SLC6A17: variants seen among roughly 807,000 people sequenced by gnomAD.
SLC6A17 encodes sodium-dependent neutral amino acid transporter SLC6A17.
In SLC6A17, 21 loss-of-function variants were observed where a neutral mutation model predicts 64.5. The observed-to-expected ratio is 0.33, with a 90% confidence interval of 0.23 to 0.47. SLC6A17 has a LOEUF of 0.47. Among genes scored for constraint, SLC6A17 ranks in the 20% least tolerant of loss-of-function variants. The pLI is 1.00. For missense variants in SLC6A17, 682 were observed against 963.2 expected, an observed-to-expected ratio of 0.71 and a Z score of 3.86; for synonymous variants, 372 against 399.5, an observed-to-expected ratio of 0.93 and a Z score of 0.82.
chr1:110,163,900 C>T (rs1211764454), intron 1 of SLC6A17, among the ~76,000 whole-genome samples: 1 of 152,134 alleles, frequency 6.6e-6, no homozygotes. Context: ...GATGCCCTTC[C>T]TGACTGCCCC....
intron 1 of SLC6A17, among the ~76,000 whole-genome samples, chr1:110,165,859 GGT>G (rs1472369562): frequency 2.6e-5 from 4 of 152,210 alleles, no homozygotes; most frequent in Non-Finnish European, 5.9e-5. Flanking sequence ...CGCAGGCTGG[GGT>G]GTGTGTGTTT....
intron 11 of SLC6A17, 115 bp from the exon 12 acceptor site, chr1:110,197,961 G>A (rs553157836): frequency 2.0e-6 from 3 of 1,483,790 alleles, no homozygotes; most frequent in Middle Eastern, 2.1e-4. Flanking sequence ...CCAGGATGGT[G>A]GGAGGGGAGA....
intron 1 of SLC6A17, among the ~76,000 whole-genome samples, chr1:110,162,087 G>A (rs373769135): frequency 7.2e-5 from 11 of 152,250 alleles, no homozygotes; most frequent in African/African-American, 1.4e-4. Flanking sequence ...GCCCCTCTGC[G>A]CTGTGCTTTC....
At chr1:110,163,577 T>C (rs1418607934) in intron 1 of SLC6A17, among the ~76,000 whole-genome samples, 5 of 152,070 alleles carry the variant, frequency 3.3e-5, no homozygotes, top group Admixed American at 6.5e-5. Flanking sequence ...TTTTCACCCA[T>C]GAGGAGACAG....
chr1:110,185,803 C>G (rs1286484359), intron 6 of SLC6A17, among the ~76,000 whole-genome samples: 3 of 152,242 alleles, frequency 2.0e-5, no homozygotes, highest in Non-Finnish European at 4.4e-5. Flanking sequence ...ATGCAAGGAA[C>G]AATAAGCATT....
intron 1 of SLC6A17, among the ~76,000 whole-genome samples, chr1:110,156,548 A>G (rs1655765883): frequency 6.6e-6 from 1 of 152,178 alleles, no homozygotes; most frequent in Non-Finnish European, 1.5e-5. Context: ...TTGGTAGATG[A>G]CAGTCTGAAT....
At chr1:110,178,937 A>G (rs1472963197) in intron 6 of SLC6A17, among the ~76,000 whole-genome samples, 1 of 152,256 alleles carries the variant, frequency 6.6e-6, no homozygotes, top group African/African-American at 2.4e-5. Flanking sequence ...TGTCTTGATC[A>G]TACATTCTTT....
Position 110,172,162 on chromosome 1 carries a change from G to A in SLC6A17, c.389G>A (p.Gly130Asp). Residue 130 changes from glycine (G) to aspartate (D), a missense_variant, in exon 3 of 12, where the codon GGT (glycine) becomes GAT (aspartate). Transcript: ENST00000331565. The stretch of plus-strand genomic sequence containing the variant: ...CAGAGGATCCGCCGCGGCAGCATCG[G>A]TGTGTGGCACTATATATGTCCCCGC... ...VGQRIRRGSI[G>D]VWHYICPRLG... The A allele has an allele frequency of 1.2e-6, 2 of 1,612,300 alleles. No homozygotes were observed. Among genetic ancestry groups the A allele is most frequent in the South Asian group, 1.1e-5 (1 of 90,704 alleles).
At chr1:110,170,970 C>T (rs1296049690) in intron 2 of SLC6A17, among the ~76,000 whole-genome samples, 1 of 152,212 alleles carries the variant, frequency 6.6e-6, no homozygotes, top group African/African-American at 2.4e-5. Flanking sequence ...TCCACTGTCC[C>T]CCCGCTGCCT....
chr1:110,195,538 G>T (rs752194721), intron 9 of SLC6A17, 48 bp from the exon 10 acceptor site: 82 of 1,606,342 alleles, frequency 5.1e-5, no homozygotes, highest in Non-Finnish European at 6.5e-5. Context: ...CCAGGGCCCT[G>T]CCCACCCTGC....
At chr1:110,196,110 G>T (rs1461304801) in intron 10 of SLC6A17, among the ~76,000 whole-genome samples, 1 of 152,176 alleles carries the variant, frequency 6.6e-6, no homozygotes, top group African/African-American at 2.4e-5. Context: ...GTTCACAATT[G>T]TAAGGGCCTA....
intron 1 of SLC6A17, among the ~76,000 whole-genome samples, chr1:110,163,076 G>A (rs1192328219): frequency 4.7e-5 from 7 of 149,952 alleles, no homozygotes; most frequent in Non-Finnish European, 4.4e-5. Context: ...TTCCAAACAT[G>A]AGGTACATTT....
chr1:110,192,596 A>G lies in SLC6A17; in HGVS notation c.1197A>G (p.Thr399=), dbSNP rs762027746. 94 of 1,614,062 alleles carry G rather than the reference A, an allele frequency of 5.8e-5. No homozygotes were observed. The highest frequency in any genetic ancestry group is 7.6e-5 in the Non-Finnish European group (90 of 1,180,022). Residue 399 remains threonine (T), a synonymous_variant, in exon 8 of 12, where the codon ACA becomes ACG. Coordinates refer to ENST00000331565, the MANE Select transcript of SLC6A17 (RefSeq NM_001010898.4). The surrounding 1 kb of genome is among the most constrained non-coding windows in gnomAD (Gnocchi z 4.3). ...ACGTCAACTTCTCCCACCTGACCACAAAGGACTACATGGAGATGTACAATG... is the reference window on the plus strand; with the variant it reads ...ACGTCAACTTCTCCCACCTGACCACGAAGGACTACATGGAGATGTACAATG... ...PPHVNFSHLT[T]KDYMEMYNVI...
rs753537748 is a variant in SLC6A17, at chr1:110,167,211, A to G, written c.282A>G (p.Gly94=). 5.9e-5 allele frequency: 95 copies of G among 1,610,802 alleles called. No individual in the cohort carries two copies. Among genetic ancestry groups the G allele is most frequent in the Non-Finnish European group, 7.4e-5 (87 of 1,177,944 alleles). Residue 94 remains glycine, a synonymous_variant, in exon 2 of 12, where the codon GGA becomes GGG. Coordinates refer to ENST00000331565, the MANE Select transcript of SLC6A17 (RefSeq NM_001010898.4). Reference sequence around the variant, plus strand: ...TCCCCTACCTGTGCCAGAAAAATGGAGGAGGTAAGAGACAGCTCTGCCTGC... The same window carrying G: ...TCCCCTACCTGTGCCAGAAAAATGGGGGAGGTAAGAGACAGCTCTGCCTGC... ...WRFPYLCQKN[G]GGAYLVPYLV... is the part of the protein sequence containing the mutation.
At chr1:110,159,272 G>A (rs577184197) in intron 1 of SLC6A17, among the ~76,000 whole-genome samples, 2 of 152,098 alleles carry the variant, frequency 1.3e-5, no homozygotes, top group African/African-American at 4.8e-5. Flanking sequence ...GCATGGGTTG[G>A]GGGGGTGCTT....
chr1:110,161,942 A>G (rs1346423476), intron 1 of SLC6A17, among the ~76,000 whole-genome samples: 1 of 152,100 alleles, frequency 6.6e-6, no homozygotes, highest in African/African-American at 2.4e-5. Flanking sequence ...TCCCAGTCAC[A>G]CTATTTTTTC....
At chr1:110,172,239 G>A (rs1656262298) in intron 3 of SLC6A17, 22 bp downstream of exon 3, 1 of 1,560,000 alleles carries the variant, frequency 6.4e-7, no homozygotes. Flanking sequence ...GCTGGGGCAG[G>A]CACTGAGTGG....
chr1:110,195,372 C>T (rs1416651824), intron 9 of SLC6A17, among the ~76,000 whole-genome samples: 2 of 152,264 alleles, frequency 1.3e-5, no homozygotes, highest in Non-Finnish European at 2.9e-5. Flanking sequence ...GAAAGTTAGA[C>T]ACAACGCCTT....
In SLC6A17 at chr1:110,198,478, C is replaced by T. The variant is rs371814643; in HGVS notation, c.*34C>T. Reference sequence around the variant, plus strand: ...CAAGCCCTGCCCGCCTCTCCCCCCACGCTCAACCTGCCCACTTGTCCAGGC... The same window carrying T: ...CAAGCCCTGCCCGCCTCTCCCCCCATGCTCAACCTGCCCACTTGTCCAGGC... On this transcript the variant is annotated 3_prime_UTR_variant, in exon 12 of 12. Transcript: ENST00000331565. 8.4e-5 allele frequency: 133 copies of T among 1,575,612 alleles called. No individual in the cohort carries two copies. Among genetic ancestry groups the T allele is most frequent in the African/African-American group, 1.9e-4 (14 of 74,540 alleles).
Sources: allele counts gnomAD v4.1 joint callset (sites outside exome capture counted in the v4.1 genomes callset), GRCh38; gene constraint gnomAD v4.1.1; non-coding constraint Gnocchi (gnomAD v3.1); transcripts MANE v1.5; gene names NCBI Gene and HGNC (gene_info 2026-07-23, HGNC 2026-07-21).